LNPEP: variants seen among roughly 807,000 people sequenced by gnomAD.
LNPEP encodes the protein leucyl-cystinyl aminopeptidase.
Under a neutral mutation model 120.6 loss-of-function variants are expected in LNPEP, and 64 were observed. That is an observed-to-expected ratio of 0.53 (90% CI 0.43 to 0.65). The LOEUF (loss-of-function observed/expected upper bound fraction) is 0.65. Among genes scored for constraint, LNPEP ranks in the 30% least tolerant of loss-of-function variants. The pLI is 0.00. For synonymous variants in LNPEP, 435 were observed against 425.4 expected (o/e 1.02, Z -0.28); for missense variants, 1,057 against 1,200.0 (o/e 0.88, Z 1.76).
chr5:96,991,682 G>C (rs1342983268), intron 4 of LNPEP, among the ~76,000 whole-genome samples: 3 of 152,034 alleles, frequency 2.0e-5, no homozygotes, highest in Non-Finnish European at 2.9e-5. Context: ...TGATTTGTTT[G>C]AGTTCCTTTT....
chr5:96,973,494 G>A (rs1451251853), intron 1 of LNPEP, among the ~76,000 whole-genome samples: 3 of 151,864 alleles, frequency 2.0e-5, no homozygotes, highest in Admixed American at 2.0e-4. Context: ...ATGTCATAGG[G>A]GACTCAGAAG....
At chr5:96,954,209 G>T (rs926402913) in intron 1 of LNPEP, among the ~76,000 whole-genome samples, 2 of 152,150 alleles carry the variant, frequency 1.3e-5, no homozygotes, top group Non-Finnish European at 2.9e-5. Flanking sequence ...ATGGTAATCT[G>T]TGATCAGATG....
chr5:96,966,511 TG>T (rs1561434375), intron 1 of LNPEP, among the ~76,000 whole-genome samples: 361 of 13,238 alleles, frequency 0.027, 1 homozygote, highest in African/African-American at 0.046. Flanking sequence ...CATATATTTG[TG>T]TGTGTGTGTG....
In LNPEP at chr5:97,022,449, G is replaced by C. The variant is rs750750157; in HGVS notation, c.2526G>C (p.Leu842=). 6.2e-7 allele frequency: 1 copy of C among 1,613,978 alleles called. No homozygotes were observed. Among genetic ancestry groups the C allele is most frequent in the South Asian group, 1.1e-5 (1 of 91,068 alleles). ...ACTGCTCTACTACTGCCATGAAACT[G>C]TTTGATGACTGGATGGCATCCAATG... ...LGNCSTTAMK[L]FDDWMASNGT... Residue 842 remains leucine (L), a synonymous_variant, in exon 14 of 18, where the codon CTG becomes CTC. Transcript: ENST00000231368.
At position 96,993,035 on chromosome 5, in the gene LNPEP, A is replaced by G; in HGVS notation, c.1152A>G (p.Pro384=). Residue 384 remains proline (P), a synonymous_variant, in exon 5 of 18, where the codon CCA becomes CCG. Coordinates refer to ENST00000231368, the MANE Select transcript of LNPEP (RefSeq NM_005575.3). ...NGTLVSIYAV[P]EKIGQVHYAL... ...TTTAGGTTTCTATATATGCTGTACC[A>G]GAAAAGATTGGTCAAGTTCATTATG... 2 of 1,594,388 alleles carry G rather than the reference A, an allele frequency of 1.3e-6. No homozygotes were observed. The highest frequency in any genetic ancestry group is 1.7e-6 in the Non-Finnish European group (2 of 1,168,562).
chr5:97,001,268 A>G (rs1331963158), intron 8 of LNPEP, among the ~76,000 whole-genome samples: 1 of 152,206 alleles, frequency 6.6e-6, no homozygotes, highest in Admixed American at 6.5e-5. Context: ...TGTTTTAAAG[A>G]TTGATCCAGT....
rs1463569216 is a variant in LNPEP, at chr5:97,035,198, A to G, written c.*6665A>G. 6.6e-6 allele frequency: 1 copy of G among 151,856 alleles called. No individual in the cohort carries two copies. The highest frequency in any genetic ancestry group is 1.5e-5 in the Non-Finnish European group (1 of 67,940). 9.4% of individuals were successfully genotyped at this position (151,856 alleles called of 1,614,324 possible). A position where few individuals can be genotyped will look rare whatever the true frequency, so the allele number is the denominator to read the frequency against. On this transcript the variant is annotated 3_prime_UTR_variant, in exon 18 of 18. Coordinates refer to ENST00000231368, the MANE Select transcript of LNPEP (RefSeq NM_005575.3). ...GGGAGGGGTTCTTTGGGTGGGTAAT[A>G]GTCAGGGGGAAAGGACAGTGTCTAT...
At chr5:96,992,985 C>T (rs774377079) in intron 4 of LNPEP, 30 bp from the exon 5 acceptor site, 15 of 1,527,204 alleles carry the variant, frequency 9.8e-6, no homozygotes, top group Non-Finnish European at 1.3e-5. Flanking sequence ...TTGTACCTGT[C>T]CTTGCATCAT....
intron 1 of LNPEP, among the ~76,000 whole-genome samples, chr5:96,943,795 T>A (rs1488244132): frequency 6.6e-6 from 1 of 152,230 alleles, no homozygotes; most frequent in African/African-American, 2.4e-5. Flanking sequence ...TAGGAGACTT[T>A]TTGAAATTCT....
intron 11 of LNPEP, chr5:97,010,497 A>G (rs1790900055): frequency 4.1e-6 from 4 of 985,398 alleles, no homozygotes; most frequent in Non-Finnish European, 3.6e-6. Context: ...CAGGAGTGAT[A>G]AAGTTCAATA....
chr5:96,948,191 C>G (rs1440177102), intron 1 of LNPEP, among the ~76,000 whole-genome samples: 1 of 151,656 alleles, frequency 6.6e-6, no homozygotes, highest in African/African-American at 2.4e-5. Context: ...GATCTCGGCT[C>G]ACTGCAACCT....
intron 1 of LNPEP, among the ~76,000 whole-genome samples, chr5:96,978,361 T>C (rs1790049553): frequency 6.6e-6 from 1 of 152,094 alleles, no homozygotes; most frequent in African/African-American, 2.4e-5. Flanking sequence ...CATGGAAATA[T>C]GTTGTACTTC....
chr5:97,014,565 AG>A (rs138952652), intron 12 of LNPEP, among the ~76,000 whole-genome samples: 18,802 of 151,596 alleles, frequency 0.12, 2,256 homozygotes, highest in African/African-American at 0.32. Context: ...AATTAAAAAA[AG>A]AAATCAGATA....
At chr5:96,948,120 C>CTTT (rs769737708) in intron 1 of LNPEP, among the ~76,000 whole-genome samples, 3 of 142,708 alleles carry the variant, frequency 2.1e-5, no homozygotes, top group African/African-American at 2.6e-5. Flanking sequence ...ACAAATTTCT[C>CTTT]TTTTTTTTTT....
rs748840648 is a variant in LNPEP, at chr5:97,003,409, T to C, written c.1654-6T>C. The C allele has an allele frequency of 7.5e-6, 11 of 1,476,354 alleles. No homozygotes were observed. Among genetic ancestry groups the C allele is most frequent in the Non-Finnish European group, 9.2e-6 (10 of 1,085,328 alleles). The allele number at this position is 1,476,354 out of a possible 1,614,324, so 91.5% of individuals were successfully genotyped here. ...CTTTCTTTTTCCTCACTTTTTTTTTTAATAGGGATCTTCTCTCTTGTTGAT... is the reference window on the plus strand; with the variant it reads ...CTTTCTTTTTCCTCACTTTTTTTTTCAATAGGGATCTTCTCTCTTGTTGAT... On this transcript the variant is annotated splice_polypyrimidine_tract_variant and splice_region_variant and intron_variant, in intron 8 of 17. Transcript: ENST00000231368.
At position 97,028,533 on chromosome 5, in the gene LNPEP, G is replaced by A; in HGVS notation, c.3078G>A (p.Ter1026=). Residue 1026 remains the stop codon, a stop_retained_variant, in exon 18 of 18, where the codon TAG becomes TAA. Coordinates refer to ENST00000231368, the MANE Select transcript of LNPEP (RefSeq NM_005575.3). ...KNLKSLTWWL[*] is the part of the protein sequence containing the mutation. ...TCAAAAGTCTCACATGGTGGCTGTA[G>A]CATGCACAACCGCACCTCATTTTGT... The A allele has an allele frequency of 6.2e-7, 1 of 1,613,566 alleles. No homozygotes were observed. The highest frequency in any genetic ancestry group is 8.5e-7 in the Non-Finnish European group (1 of 1,179,600).
Position 97,015,031 on chromosome 5 carries a change from A to T in LNPEP, c.2312A>T (p.Gln771Leu). Residue 771 changes from glutamine (Q) to leucine (L), a missense_variant, in exon 13 of 18, where the codon CAG becomes CTG. By Grantham distance (113) the Gln-to-Leu change is moderately radical. Transcript: ENST00000231368. ...GCACCCATCACCGAAGCCCTGTTTC[A>T]GACAGACCTCATCTATAACCTCCTT... ...HTAPITEALF[Q>L]TDLIYNLLEK... The T allele has an allele frequency of 1.9e-6, 3 of 1,603,942 alleles. No individual in the cohort carries two copies. Among genetic ancestry groups the T allele is most frequent in the Non-Finnish European group, 2.6e-6 (3 of 1,175,224 alleles).
intron 1 of LNPEP, among the ~76,000 whole-genome samples, chr5:96,939,873 TA>T (rs71985131): frequency 0.017 from 2,541 of 152,018 alleles, 51 homozygotes; most frequent in South Asian, 0.089. Flanking sequence ...TGAGTCTTTT[TA>T]AAAAAAAATT....
intron 9 of LNPEP, among the ~76,000 whole-genome samples, chr5:97,003,986 C>G (rs1790718004): frequency 6.6e-6 from 1 of 151,906 alleles, no homozygotes; most frequent in African/African-American, 2.4e-5. Flanking sequence ...GTGACTGTTC[C>G]TCCAGAGTAG....
Sources: allele counts gnomAD v4.1 joint callset (sites outside exome capture counted in the v4.1 genomes callset), GRCh38; gene constraint gnomAD v4.1.1; transcripts MANE v1.5; gene names NCBI Gene and HGNC (gene_info 2026-07-23, HGNC 2026-07-21).